The following FHAD1 variants were observed in gnomAD, a reference collection of about 807,000 sequenced individuals.
The protein encoded by FHAD1 is forkhead-associated domain-containing protein 1.
FHAD1 carries 146 observed loss-of-function variants against 191.3 expected under a neutral mutation model. That is an observed-to-expected ratio of 0.76 (90% CI 0.67 to 0.88). FHAD1 has a LOEUF of 0.88. Among genes scored for constraint, FHAD1 ranks in the 40% least tolerant of loss-of-function variants. The pLI is 0.00. For missense variants in FHAD1, 1,635 were observed against 1,785.8 expected, an observed-to-expected ratio of 0.92 and a Z score of 1.52; for synonymous variants, 616 against 672.3, an observed-to-expected ratio of 0.92 and a Z score of 1.29.
intron 3 of FHAD1, among the ~76,000 whole-genome samples, chr1:15,275,480 G>A (rs942354608): frequency 5.9e-5 from 9 of 152,058 alleles, no homozygotes; most frequent in Non-Finnish European, 1.2e-4. Flanking sequence ...CCCCCTGTCC[G>A]CCTCCACCCC....
chr1:15,375,337 C>T (rs1477777276), intron 27 of FHAD1, among the ~76,000 whole-genome samples: 4 of 152,120 alleles, frequency 2.6e-5, no homozygotes, highest in Non-Finnish European at 5.9e-5. Context: ...GTTCAAGTTC[C>T]GTCTTGGTTC....
intron 2 of FHAD1, among the ~76,000 whole-genome samples, chr1:15,259,921 G>A (rs572311076): frequency 3.9e-5 from 6 of 152,308 alleles, no homozygotes; most frequent in Non-Finnish European, 8.8e-5. Flanking sequence ...ACAAAGATCC[G>A]GAGGTGTTGC....
Position 15,360,761 on chromosome 1 carries a change from G to T in FHAD1, c.2962+58G>T, listed in dbSNP as rs188111460. 1.1e-5 allele frequency: 15 copies of T among 1,407,204 alleles called. No individual in the cohort carries two copies. The Admixed American group carries it at 1.4e-4, about 13-fold the overall frequency. 87.2% of individuals were successfully genotyped at this position (1,407,204 alleles called of 1,614,324 possible). A position where few individuals can be genotyped will look rare whatever the true frequency, so the allele number is the denominator to read the frequency against. Reference sequence around the variant, plus strand: ...TGTTCGGGGCAGGTTCTGATTGTCCGCTGGGTCCCAACAGGCTGATGGCTA... The same window carrying T: ...TGTTCGGGGCAGGTTCTGATTGTCCTCTGGGTCCCAACAGGCTGATGGCTA... On this transcript the variant is annotated intron_variant, in intron 22 of 33. Coordinates refer to ENST00000688493, the MANE Select transcript of FHAD1 (RefSeq NM_001391957.1).
At chr1:15,268,537 T>C (rs1322331188) in intron 2 of FHAD1, among the ~76,000 whole-genome samples, 1 of 129,012 alleles carries the variant, frequency 7.8e-6, no homozygotes, top group East Asian at 2.9e-4. Flanking sequence ...GGTCAAATGG[T>C]ATTTCTAGTT....
At chr1:15,299,229 A>G (rs892722545) in intron 5 of FHAD1, among the ~76,000 whole-genome samples, 18 of 151,200 alleles carry the variant, frequency 1.2e-4, no homozygotes, top group South Asian at 4.2e-4. Context: ...GAAAAAAAAA[A>G]AAAGAAAGAA....
intron 7 of FHAD1, 46 bp downstream of exon 7, chr1:15,308,782 T>C (rs1671355567): frequency 1.3e-6 from 2 of 1,549,952 alleles, no homozygotes; most frequent in Non-Finnish European, 1.7e-6. Flanking sequence ...CCCGCACCCG[T>C]TGTTCTTGGC....
At position 15,397,585 on chromosome 1, in the gene FHAD1, G is replaced by A; in HGVS notation, c.*172G>A. 1 of 407,334 alleles carries A rather than the reference G, an allele frequency of 2.5e-6. No individual in the cohort carries two copies. Among genetic ancestry groups the A allele is most frequent in the South Asian group, 9.1e-5 (1 of 10,960 alleles). 25.2% of individuals were successfully genotyped at this position (407,334 alleles called of 1,614,324 possible). A position where few individuals can be genotyped will look rare whatever the true frequency, so the allele number is the denominator to read the frequency against. On this transcript the variant is annotated 3_prime_UTR_variant, in exon 34 of 34. Transcript: ENST00000688493. ...CAATATTATATTTTGGAGACTGTGG[G>A]GAGAAGGGTTCTTCTTTAAAAATAC...
intron 24 of FHAD1, 139 bp from the exon 25 acceptor site, chr1:15,367,322 CCT>C (rs1696787226): frequency 1.1e-6 from 1 of 926,620 alleles, no homozygotes; most frequent in African/African-American, 1.7e-5. Flanking sequence ...ATGGTGAAAC[CCT>C]GTCTCTACTA....
intron 2 of FHAD1, among the ~76,000 whole-genome samples, chr1:15,254,541 T>C (rs1230753275): frequency 6.6e-6 from 1 of 152,194 alleles, no homozygotes; most frequent in African/African-American, 2.4e-5. Context: ...TAACAAGCTA[T>C]TTGGAAACAG....
chr1:15,362,431 C>T (rs1042815039), intron 22 of FHAD1, among the ~76,000 whole-genome samples: 1 of 152,226 alleles, frequency 6.6e-6, no homozygotes, highest in Non-Finnish European at 1.5e-5. Context: ...GATTTGATGG[C>T]CCCTGCCTTC....
chr1:15,392,702 A>C (rs148041370), intron 33 of FHAD1, among the ~76,000 whole-genome samples: 1,537 of 152,264 alleles, frequency 0.01, 25 homozygotes, highest in Admixed American at 0.03. Context: ...AAAAGTGTCC[A>C]TCCCTAACAA....
intron 22 of FHAD1, 41 bp downstream of exon 22, chr1:15,360,744 G>T (rs909714389): frequency 2.0e-6 from 3 of 1,518,048 alleles, no homozygotes; most frequent in Admixed American, 3.9e-5. Context: ...AGTGTTCGGG[G>T]CAGGTTCTGA....
chr1:15,259,146 A>C (rs1649793816), intron 2 of FHAD1, among the ~76,000 whole-genome samples: 1 of 152,084 alleles, frequency 6.6e-6, no homozygotes, highest in Non-Finnish European at 1.5e-5. Flanking sequence ...GAAGATCATA[A>C]TCTTCTGAGA....
In FHAD1 at chr1:15,318,183, T is replaced by C. The variant is rs759792643; in HGVS notation, c.1365+255T>C. Among the ~76,000 whole-genome samples the C allele has an allele frequency of 6.6e-6, 1 of 152,228 alleles. No individual in the cohort carries two copies. Among genetic ancestry groups the C allele is most frequent in the Non-Finnish European group, 1.5e-5 (1 of 68,040 alleles). ...ACTGCCTTCTAAAACTGTTTCTTGC[T>C]TTTTGGTAATGAGACCCACCTCTGG... On this transcript the variant is annotated intron_variant, in intron 10 of 33. Transcript: ENST00000688493. The surrounding 1 kb of genome is among the most constrained non-coding windows in gnomAD (Gnocchi z 4.1).
intron 8 of FHAD1, 75 bp downstream of exon 8, chr1:15,313,262 G>C: frequency 8.1e-7 from 1 of 1,240,046 alleles, no homozygotes; most frequent in Non-Finnish European, 1.0e-6. Flanking sequence ...TGATATGCTT[G>C]TTTCATTCAC....
chr1:15,400,935 A>G (rs1484148895), downstream of FHAD1, among the ~76,000 whole-genome samples: 3 of 152,166 alleles, frequency 2.0e-5, no homozygotes, highest in Non-Finnish European at 4.4e-5. Flanking sequence ...GGAGCTCCAG[A>G]TTTTTACAAT....
rs1688356623 is a variant in FHAD1 at position 15,345,150 on chromosome 1, G to C, written c.2198G>C (p.Arg733Thr). ...AKETLEEERK[R>T]MQELESLLAQ... is the part of the protein sequence containing the mutation. ...GAGACTTTAGAGGAAGAACGGAAGA[G>C]AATGCAAGAACTGGAGAGCCTCCTG... is the stretch of plus-strand genomic sequence containing the variant. The change falls in exon 17 of 34, where the codon AGA (arginine) becomes ACA (threonine). Residue 733 changes from arginine to threonine, a missense_variant. Coordinates refer to ENST00000688493, the MANE Select transcript of FHAD1 (RefSeq NM_001391957.1). The C allele has an allele frequency of 5.2e-6, 8 of 1,551,852 alleles. No homozygotes were observed. In the African/African-American group the frequency reaches 8.2e-5, roughly 16 times the overall value.
chr1:15,303,166 T>A (rs1473208488), intron 6 of FHAD1, among the ~76,000 whole-genome samples: 1 of 152,168 alleles, frequency 6.6e-6, no homozygotes, highest in East Asian at 1.9e-4. Flanking sequence ...TGTGTTCCAA[T>A]GAGGGGGACA....
intron 6 of FHAD1, among the ~76,000 whole-genome samples, chr1:15,304,008 C>G (rs1436003136): frequency 3.3e-5 from 5 of 152,216 alleles, no homozygotes; most frequent in African/African-American, 1.2e-4. Flanking sequence ...GTTTCATCTG[C>G]TCACATTTTA....
Sources: allele counts gnomAD v4.1 joint callset (sites outside exome capture counted in the v4.1 genomes callset), GRCh38; gene constraint gnomAD v4.1.1; non-coding constraint Gnocchi (gnomAD v3.1); transcripts MANE v1.5; gene names NCBI Gene and HGNC (gene_info 2026-07-23, HGNC 2026-07-21).